Variants in IL1RAPL1 observed in about 807,000 individuals in gnomAD.
IL1RAPL1 encodes the protein interleukin 1 receptor accessory protein like 1, also known as interleukin-1 receptor accessory protein-like 1.
In IL1RAPL1, 3 loss-of-function variants were observed where a neutral mutation model predicts 48.4. The observed-to-expected ratio is 0.06, with a 90% confidence interval of 0.03 to 0.16. IL1RAPL1 has a LOEUF of 0.16. Among genes scored for constraint, IL1RAPL1 ranks in the 10% least tolerant of loss-of-function variants. The pLI, the probability that IL1RAPL1 is intolerant of heterozygous loss-of-function variation, is 1.00. For synonymous variants in IL1RAPL1, 185 were observed against 187.7 expected, an observed-to-expected ratio of 0.99 and a Z score of 0.12; for missense variants, 349 against 530.6, an observed-to-expected ratio of 0.66 and a Z score of 3.36.
chrX:29,582,144 A>C (rs1332431378), intron 5 of IL1RAPL1, among the ~76,000 whole-genome samples: 2 of 111,153 alleles, frequency 1.8e-5, no homozygotes, highest in Non-Finnish European at 3.8e-5. Flanking sequence ...ACGTGGGAAA[A>C]CATAGTGGTA....
intron 6 of IL1RAPL1, among the ~76,000 whole-genome samples, chrX:29,809,274 T>TG (rs2147176784): frequency 9.9e-6 from 1 of 101,301 alleles, no homozygotes; most frequent in Admixed American, 1.1e-4. Context: ...TTTTTTGCAT[T>TG]TTTTTTTTTT....
intron 6 of IL1RAPL1, among the ~76,000 whole-genome samples, chrX:29,823,637 T>C (rs1022102706): frequency 8.9e-6 from 1 of 112,238 alleles, no homozygotes; most frequent in Non-Finnish European, 1.9e-5. Flanking sequence ...AATTAGTTTC[T>C]AAAGGGTCAA....
intron 2 of IL1RAPL1, among the ~76,000 whole-genome samples, chrX:28,934,504 A>G (rs1369057969): frequency 1.8e-5 from 2 of 111,295 alleles, no homozygotes; most frequent in Non-Finnish European, 3.8e-5. Context: ...CCCAAATGAA[A>G]CAATGTACCC....
At chrX:29,798,883 A>G (rs1929811999) in intron 6 of IL1RAPL1, among the ~76,000 whole-genome samples, 1 of 112,382 alleles carries the variant, frequency 8.9e-6, no homozygotes, top group Non-Finnish European at 1.9e-5. Flanking sequence ...ATAAGGCCAC[A>G]GAACAGCTTG....
At chrX:29,082,575 C>G (rs1317827957) in intron 2 of IL1RAPL1, among the ~76,000 whole-genome samples, 1 of 111,974 alleles carries the variant, frequency 8.9e-6, no homozygotes, top group Non-Finnish European at 1.9e-5. Flanking sequence ...AAATCATTAT[C>G]TAGCTTTGGA....
chrX:29,744,861 A>C (rs190588021), intron 6 of IL1RAPL1, among the ~76,000 whole-genome samples: 1 of 112,529 alleles, frequency 8.9e-6, no homozygotes, highest in Admixed American at 9.4e-5. Context: ...GTGCAAACCA[A>C]TGCAACAGAA....
chrX:29,665,047 T>C (rs1045744436), intron 5 of IL1RAPL1, among the ~76,000 whole-genome samples: 4 of 112,810 alleles, frequency 3.5e-5, no homozygotes, highest in African/African-American at 1.3e-4. Flanking sequence ...TTGAAAATAC[T>C]TTTGTTGGTG....
intron 2 of IL1RAPL1, among the ~76,000 whole-genome samples, chrX:28,901,399 T>TA (rs1923072926): frequency 1.8e-5 from 2 of 112,477 alleles, no homozygotes; most frequent in Non-Finnish European, 3.8e-5. Context: ...AGATAGCATG[T>TA]ATGTTAAAAA....
chrX:29,194,625 C>A (rs183179436), intron 2 of IL1RAPL1, among the ~76,000 whole-genome samples: 7 of 111,900 alleles, frequency 6.3e-5, no homozygotes, highest in Admixed American at 9.5e-5. Flanking sequence ...ATATTTAAAA[C>A]GAGATTTGGT....
chrX:29,449,816 A>C (rs1001251206), intron 5 of IL1RAPL1, among the ~76,000 whole-genome samples: 7 of 106,199 alleles, frequency 6.6e-5, no homozygotes, highest in Non-Finnish European at 9.7e-5. Flanking sequence ...GGAAGAATAA[A>C]ATCATCTTAT....
intron 5 of IL1RAPL1, among the ~76,000 whole-genome samples, chrX:29,565,038 C>T (rs904329790): frequency 8.9e-6 from 1 of 111,736 alleles, no homozygotes; most frequent in Non-Finnish European, 1.9e-5. Flanking sequence ...TGTGGTCATA[C>T]TGCCTTCTCT....
At chrX:29,739,237 G>A (rs758979608) in intron 6 of IL1RAPL1, among the ~76,000 whole-genome samples, 2 of 112,459 alleles carry the variant, frequency 1.8e-5, no homozygotes, top group African/African-American at 6.5e-5. Context: ...TATTAGGTTG[G>A]TAATGTTATT....
intron 5 of IL1RAPL1, among the ~76,000 whole-genome samples, chrX:29,517,981 G>C (rs16988624): frequency 0.02 from 2,224 of 111,814 alleles, 47 homozygotes; most frequent in African/African-American, 0.067. Context: ...AGAAGAGGAA[G>C]AGGAACCGTC....
chrX:28,912,810 A>T (rs1601955755), intron 2 of IL1RAPL1, among the ~76,000 whole-genome samples: 1 of 111,593 alleles, frequency 9.0e-6, no homozygotes, highest in East Asian at 2.8e-4. Flanking sequence ...CAGAGCTTGT[A>T]AAGGGAATCA....
chrX:29,574,663 C>T (rs1922716053), intron 5 of IL1RAPL1, among the ~76,000 whole-genome samples: 2 of 111,667 alleles, frequency 1.8e-5, no homozygotes. Context: ...CCCCAGAAAA[C>T]AGGTTTTTCT....
chrX:29,102,932 T>G (rs934156650), intron 2 of IL1RAPL1, among the ~76,000 whole-genome samples: 1 of 111,296 alleles, frequency 9.0e-6, no homozygotes, highest in Non-Finnish European at 1.9e-5. Flanking sequence ...GAAAAAGGTC[T>G]CTACAATAAA....
At chrX:29,501,795 G>GT (rs36045396) in intron 5 of IL1RAPL1, among the ~76,000 whole-genome samples, 16,176 of 80,454 alleles carry the variant, frequency 0.2, 1,822 homozygotes, top group African/African-American at 0.36. Flanking sequence ...GCTTATTTGA[G>GT]TTTTTTTTTT....
rs763362130 is a variant in IL1RAPL1 at position 29,860,648 on chromosome X, T to C, written c.779-56816T>C. Among the ~76,000 whole-genome samples the C allele has an allele frequency of 4.5e-5, 5 of 111,723 alleles. No homozygotes were observed. The South Asian group carries it at 1.9e-3, about 42-fold the overall frequency. ...TCCTGTGTTAGTTTGCTGAGAATGATGGTTTCCAGCTTCATCCATGTCCCT... is the reference window on the plus strand; with the variant it reads ...TCCTGTGTTAGTTTGCTGAGAATGACGGTTTCCAGCTTCATCCATGTCCCT... On this transcript the variant is annotated intron_variant, in intron 6 of 10. Coordinates refer to ENST00000378993, the MANE Select transcript of IL1RAPL1 (RefSeq NM_014271.4).
At chrX:29,445,824 T>G (rs1305415015) in intron 5 of IL1RAPL1, among the ~76,000 whole-genome samples, 1 of 111,942 alleles carries the variant, frequency 8.9e-6, no homozygotes, top group Non-Finnish European at 1.9e-5. Context: ...GCTTATGGCC[T>G]GAAGGTTTTG....
Sources: allele counts gnomAD v4.1 joint callset (sites outside exome capture counted in the v4.1 genomes callset), GRCh38; gene constraint gnomAD v4.1.1; transcripts MANE v1.5; gene names NCBI Gene and HGNC (gene_info 2026-07-23, HGNC 2026-07-21).